The following ARHGAP5 variants were observed in gnomAD, a reference collection of about 807,000 sequenced individuals.
The protein encoded by ARHGAP5 is rho GTPase-activating protein 5.
Under a neutral mutation model 116.6 loss-of-function variants are expected in ARHGAP5, and 23 were observed. That is an observed-to-expected ratio of 0.20 (90% CI 0.14 to 0.28). The LOEUF (loss-of-function observed/expected upper bound fraction) is 0.28, where lower values mean the gene tolerates loss of function less well. ARHGAP5 is among the 10% of genes least tolerant of loss of function. The probability of loss-of-function intolerance (pLI) is 1.00; values close to 1 mark genes in which losing one functional copy is unlikely to be tolerated. For synonymous variants in ARHGAP5, 574 were observed against 602.0 expected, an observed-to-expected ratio of 0.95 and a Z score of 0.68; for missense variants, 1,405 against 1,774.8, an observed-to-expected ratio of 0.79 and a Z score of 3.74.
chr14:32,085,138 C>T (rs951062753), intron 1 of ARHGAP5, among the ~76,000 whole-genome samples: 1 of 152,008 alleles, frequency 6.6e-6, no homozygotes, highest in Admixed American at 6.6e-5. Context: ...GATAAATTTA[C>T]CAGAAATAGC....
Position 32,077,452 on chromosome 14 carries a change from C to G in ARHGAP5, c.-169+17C>G, listed in dbSNP as rs934722989. On this transcript the variant is annotated intron_variant, in intron 1 of 6. Transcript: ENST00000345122. ...CGTTGTTAGGTAGGACCTTGCGGAC[C>G]CCGCTCCTCCAAGCCTGCCTGCCCC... is the stretch of plus-strand genomic sequence containing the variant. The G allele has an allele frequency of 2.9e-6, 2 of 697,422 alleles. No homozygotes were observed. The highest frequency in any genetic ancestry group is 3.5e-5 in the African/African-American group (2 of 56,378). The allele number at this position is 697,422 out of a possible 1,614,324, so 43.2% of individuals were successfully genotyped here.
At chr14:32,147,939 G>A (rs539523167) in intron 4 of ARHGAP5, among the ~76,000 whole-genome samples, 4 of 152,318 alleles carry the variant, frequency 2.6e-5, no homozygotes, top group East Asian at 3.9e-4. Flanking sequence ...AATTGCCTGA[G>A]CTCAGGAGTT....
At chr14:32,147,300 A>G (rs901173351) in intron 4 of ARHGAP5, among the ~76,000 whole-genome samples, 4 of 152,206 alleles carry the variant, frequency 2.6e-5, no homozygotes, top group Non-Finnish European at 5.9e-5. Flanking sequence ...AAATTTTACA[A>G]AAATGTAAAA....
Position 32,091,719 on chromosome 14 carries a change from G to T in ARHGAP5, c.1050G>T (p.Leu350Phe). Residue 350 changes from leucine to phenylalanine, a missense_variant, in exon 2 of 7, where the codon TTG (leucine) becomes TTT (phenylalanine). Physicochemically the swap from Leu to Phe is conservative, Grantham distance 22. Transcript: ENST00000345122. Reference sequence around the variant, plus strand: ...TACCAAGAGCTTTTAACACTCTTTTGCCAAATCTAGAAGAGATTGAACATT... The same window carrying T: ...TACCAAGAGCTTTTAACACTCTTTTTCCAAATCTAGAAGAGATTGAACATT... Reference protein sequence around the residue: ...NTLPRAFNTLLPNLEEIEHLN... With the variant: ...NTLPRAFNTLFPNLEEIEHLN... The T allele has an allele frequency of 6.2e-7, 1 of 1,611,520 alleles. No homozygotes were observed. Among genetic ancestry groups the T allele is most frequent in the South Asian group, 1.1e-5 (1 of 90,460 alleles).
chr14:32,143,755 G>A (rs1449815388), intron 3 of ARHGAP5, among the ~76,000 whole-genome samples: 1 of 152,182 alleles, frequency 6.6e-6, no homozygotes, highest in Non-Finnish European at 1.5e-5. Context: ...CAAGATTTTA[G>A]TGTGGATAGT....
intron 2 of ARHGAP5, among the ~76,000 whole-genome samples, chr14:32,108,290 T>G (rs144177632): frequency 1.3e-5 from 2 of 151,506 alleles, no homozygotes; most frequent in South Asian, 2.1e-4. Context: ...CAAAGGAGGG[T>G]TTTTGTGTTT....
chr14:32,137,159 A>G (rs1439207986), intron 3 of ARHGAP5, among the ~76,000 whole-genome samples: 1 of 151,284 alleles, frequency 6.6e-6, no homozygotes, highest in Non-Finnish European at 1.5e-5. Context: ...TGGCAAAATC[A>G]AGGTCATGAA....
At chr14:32,141,867 C>T (rs562648266) in intron 3 of ARHGAP5, among the ~76,000 whole-genome samples, 23 of 152,178 alleles carry the variant, frequency 1.5e-4, no homozygotes, top group Admixed American at 9.8e-4. Context: ...TTCTGAAGAT[C>T]GAATAGGCTG....
chr14:32,093,340 T>C lies in ARHGAP5; in HGVS notation c.2671T>C (p.Phe891Leu). The change falls in exon 2 of 7, where the codon TTT (phenylalanine) becomes CTT (leucine). Residue 891 changes from phenylalanine (F) to leucine (L), a missense_variant. Phe to Leu is a conservative substitution (Grantham distance 22). Coordinates refer to ENST00000345122, the MANE Select transcript of ARHGAP5 (RefSeq NM_001030055.2). ...LVAVTDSQAD[F>L]FENEAIKELM... ...GGCAGTTACTGACAGCCAAGCAGAT[T>C]TTTTTGAAAATGAGGCTATCAAAGA... 2.5e-6 allele frequency: 4 copies of C among 1,614,012 alleles called. No homozygotes were observed. The highest frequency in any genetic ancestry group is 3.4e-6 in the Non-Finnish European group (4 of 1,179,934).
At chr14:32,124,941 A>G (rs190878801) in intron 3 of ARHGAP5, among the ~76,000 whole-genome samples, 1 of 152,278 alleles carries the variant, frequency 6.6e-6, no homozygotes, top group East Asian at 1.9e-4. Flanking sequence ...GGAGAAGAAA[A>G]ATTTTACTAA....
At chr14:32,101,036 T>G (rs1878767825) in intron 2 of ARHGAP5, among the ~76,000 whole-genome samples, 1 of 152,228 alleles carries the variant, frequency 6.6e-6, no homozygotes, top group Non-Finnish European at 1.5e-5. Flanking sequence ...TGTATTAGTA[T>G]AAGCTGGTAT....
intron 3 of ARHGAP5, among the ~76,000 whole-genome samples, chr14:32,135,428 T>C (rs1267767228): frequency 6.6e-6 from 1 of 152,216 alleles, no homozygotes. Flanking sequence ...CTAAGTTGTT[T>C]TTTTGTTTGT....
Position 32,092,739 on chromosome 14 carries a change from C to T in ARHGAP5, c.2070C>T (p.Tyr690=). 6.2e-7 allele frequency: 1 copy of T among 1,613,710 alleles called. No individual in the cohort carries two copies. Among genetic ancestry groups the T allele is most frequent in the Non-Finnish European group, 8.5e-7 (1 of 1,179,806 alleles). ...TEASQIRKDK[Y]MANLPFTLIL... ...CTTCTCAGATCAGAAAAGATAAATACATGGCTAATCTTCCATTTACATTAA... is the reference window on the plus strand; with the variant it reads ...CTTCTCAGATCAGAAAAGATAAATATATGGCTAATCTTCCATTTACATTAA... The change falls in exon 2 of 7, where the codon TAC becomes TAT. Residue 690 remains tyrosine (Y), a synonymous_variant. Coordinates refer to ENST00000345122, the MANE Select transcript of ARHGAP5 (RefSeq NM_001030055.2). The surrounding 1 kb of genome is among the most constrained non-coding windows in gnomAD (Gnocchi z 4.1).
At position 32,090,628 on chromosome 14, in the gene ARHGAP5, A is replaced by G. The variant is rs200677078; in HGVS notation, c.-42A>G. On this transcript the variant is annotated 5_prime_UTR_variant, in exon 2 of 7. The change creates a new upstream start codon in the 5' untranslated region. Coordinates refer to ENST00000345122, the MANE Select transcript of ARHGAP5 (RefSeq NM_001030055.2). ...ATTTTATTTTCAGAATGAGAAGCAT[A>G]TCTGGTTACCTTTATGAATGTAGAG... The G allele has an allele frequency of 1.4e-6, 2 of 1,479,832 alleles. No individual in the cohort carries two copies. Among genetic ancestry groups the G allele is most frequent in the Admixed American group, 4.5e-5 (2 of 44,206 alleles). The allele number at this position is 1,479,832 out of a possible 1,614,324, so 91.7% of individuals were successfully genotyped here. A position where few individuals can be genotyped will look rare whatever the true frequency, so the allele number is the denominator to read the frequency against.
chr14:32,149,851 C>T (rs1404899866), intron 4 of ARHGAP5, 51 bp from the exon 5 acceptor site: 14 of 1,089,928 alleles, frequency 1.3e-5, no homozygotes, highest in Admixed American at 7.0e-5. Context: ...TAGCTTGCTT[C>T]TATAATAAAG....
At chr14:32,085,008 A>C (rs904568254) in intron 1 of ARHGAP5, among the ~76,000 whole-genome samples, 2 of 151,930 alleles carry the variant, frequency 1.3e-5, no homozygotes, top group African/African-American at 4.8e-5. Context: ...CCCTATTTAA[A>C]AAAAAAGACA....
intron 3 of ARHGAP5, among the ~76,000 whole-genome samples, chr14:32,138,712 A>C (rs986104242): frequency 6.6e-6 from 1 of 152,182 alleles, no homozygotes; most frequent in African/African-American, 2.4e-5. Flanking sequence ...TTCCTTGCCT[A>C]AAACTCCAGT....
chr14:32,108,817 T>A (rs571145342), intron 2 of ARHGAP5, among the ~76,000 whole-genome samples: 2 of 152,288 alleles, frequency 1.3e-5, no homozygotes, highest in South Asian at 4.1e-4. Context: ...ATATAAATGA[T>A]GTTATAGAAA....
chr14:32,138,545 A>T (rs1049482688), intron 3 of ARHGAP5, among the ~76,000 whole-genome samples: 1 of 152,122 alleles, frequency 6.6e-6, no homozygotes, highest in African/African-American at 2.4e-5. Context: ...CAGCCTCCCA[A>T]AGTGCTGGGA....
Sources: allele counts gnomAD v4.1 joint callset (sites outside exome capture counted in the v4.1 genomes callset), GRCh38; gene constraint gnomAD v4.1.1; non-coding constraint Gnocchi (gnomAD v3.1); transcripts MANE v1.5; gene names NCBI Gene and HGNC (gene_info 2026-07-23, HGNC 2026-07-21).